The following ERBIN variants were observed in gnomAD, a reference collection of about 807,000 sequenced individuals.
ERBIN encodes the protein densin-180-like protein.
ERBIN carries 60 observed loss-of-function variants against 158.4 expected under a neutral mutation model. That is an observed-to-expected ratio of 0.38 (90% confidence interval 0.31 to 0.47). The LOEUF (loss-of-function observed/expected upper bound fraction) is 0.47. Ranked by LOEUF, ERBIN falls within the 20% of genes least tolerant of loss-of-function variation. The probability of loss-of-function intolerance (pLI) is 0.99; values close to 1 mark genes in which losing one functional copy is unlikely to be tolerated. For missense variants in ERBIN, 1,610 were observed against 1,648.0 expected, an observed-to-expected ratio of 0.98 and a Z score of 0.40; for synonymous variants, 594 against 557.2, an observed-to-expected ratio of 1.07 and a Z score of -0.93.
At chr5:65,930,210 T>C (rs1027170243) in intron 1 of ERBIN, among the ~76,000 whole-genome samples, 4 of 152,242 alleles carry the variant, frequency 2.6e-5, no homozygotes, top group Non-Finnish European at 5.9e-5. Flanking sequence ...AAAAAGTTTA[T>C]CTGATCTTAT....
intron 21 of ERBIN, among the ~76,000 whole-genome samples, chr5:66,055,776 C>T (rs1759522200): frequency 6.6e-6 from 1 of 152,102 alleles, no homozygotes; most frequent in Admixed American, 6.6e-5. Flanking sequence ...AACAGGTGAA[C>T]ATACAACTTC....
At chr5:65,949,940 G>A (rs537089287) in intron 1 of ERBIN, among the ~76,000 whole-genome samples, 41 of 152,266 alleles carry the variant, frequency 2.7e-4, no homozygotes, top group Middle Eastern at 6.8e-3. Context: ...CCAAGGTGCT[G>A]GGATTACAGG....
chr5:65,929,851 G>A (rs1019784694), intron 1 of ERBIN, among the ~76,000 whole-genome samples: 1 of 152,066 alleles, frequency 6.6e-6, no homozygotes, highest in Non-Finnish European at 1.5e-5. Flanking sequence ...TGTTGGCCAG[G>A]CTGGTCTCGA....
intron 14 of ERBIN, among the ~76,000 whole-genome samples, chr5:66,034,923 A>C (rs1013571068): frequency 2.0e-5 from 3 of 152,168 alleles, no homozygotes; most frequent in African/African-American, 2.4e-5. Context: ...AAGGGGAGTC[A>C]AAGACAGGAG....
intron 14 of ERBIN, among the ~76,000 whole-genome samples, chr5:66,036,753 A>C (rs572712001): frequency 2.0e-5 from 3 of 152,320 alleles, no homozygotes; most frequent in African/African-American, 7.2e-5. Context: ...ATATTCATTG[A>C]ATGAGTGATC....
At chr5:65,946,220 T>C (rs1745725233) in intron 1 of ERBIN, among the ~76,000 whole-genome samples, 1 of 151,596 alleles carries the variant, frequency 6.6e-6, no homozygotes, top group Non-Finnish European at 1.5e-5. Context: ...AAAAATCAGG[T>C]GGGTGTGGTG....
intron 1 of ERBIN, among the ~76,000 whole-genome samples, chr5:65,982,350 G>A (rs1750749870): frequency 6.6e-6 from 1 of 152,146 alleles, no homozygotes; most frequent in South Asian, 2.1e-4. Context: ...TCTGAATCTT[G>A]CTTAGTGTTA....
In ERBIN at chr5:66,046,556, T is replaced by G; in HGVS notation, c.1788+18T>G. 1 of 1,541,846 alleles carries G rather than the reference T, an allele frequency of 6.5e-7. No homozygotes were observed. Among genetic ancestry groups the G allele is most frequent in the Non-Finnish European group, 8.8e-7 (1 of 1,140,794 alleles). ...TTTTTGAGGTATGATTTTATGATTA[T>G]TCTGGAGCAACTATAAGAACTTTCA... On this transcript the variant is annotated intron_variant, in intron 18 of 25. Transcript: ENST00000284037.
chr5:66,025,161 C>G (rs866583521), intron 10 of ERBIN: 28 of 294,642 alleles, frequency 9.5e-5, no homozygotes, highest in African/African-American at 2.0e-4. Context: ...TATTGTCTGT[C>G]TTTTCTGTGC....
chr5:65,987,062 T>TG (rs1751311412), intron 1 of ERBIN, among the ~76,000 whole-genome samples: 1 of 152,206 alleles, frequency 6.6e-6, no homozygotes, highest in African/African-American at 2.4e-5. Context: ...CAGATGTATT[T>TG]GCTCCCTTTT....
chr5:66,036,477 C>G (rs984048488), intron 14 of ERBIN, among the ~76,000 whole-genome samples: 1 of 152,102 alleles, frequency 6.6e-6, no homozygotes, highest in African/African-American at 2.4e-5. Flanking sequence ...CCTTCTTATC[C>G]TCACCTTAGA....
intron 4 of ERBIN, among the ~76,000 whole-genome samples, chr5:65,997,927 T>C (rs1051123191): frequency 2.7e-5 from 4 of 150,210 alleles, no homozygotes; most frequent in Non-Finnish European, 5.9e-5. Flanking sequence ...GGTGTCTGTC[T>C]ACACACACAC....
At chr5:65,991,961 T>C (rs180759147) in intron 2 of ERBIN, among the ~76,000 whole-genome samples, 1 of 152,186 alleles carries the variant, frequency 6.6e-6, no homozygotes, top group Non-Finnish European at 1.5e-5. Context: ...ATAGGGTGGT[T>C]GATCCCTGAT....
At chr5:65,998,893 T>TCA (rs1752726801) in intron 4 of ERBIN, among the ~76,000 whole-genome samples, 4 of 33,186 alleles carry the variant, frequency 1.2e-4, no homozygotes, top group African/African-American at 4.9e-4. Context: ...AGACCCTGTC[T>TCA]CAAAAAAAAA....
At chr5:65,946,967 T>G (rs182757351) in intron 1 of ERBIN, among the ~76,000 whole-genome samples, 2 of 152,058 alleles carry the variant, frequency 1.3e-5, no homozygotes, top group Non-Finnish European at 2.9e-5. Context: ...ATTTTTTTTT[T>G]GTAAGTATTG....
chr5:66,018,441 AAT>A (rs1554058707), intron 7 of ERBIN, among the ~76,000 whole-genome samples: 1 of 53,166 alleles, frequency 1.9e-5, no homozygotes, highest in Non-Finnish European at 3.5e-5. Flanking sequence ...TGATATATAT[AAT>A]ATAATATATA....
intron 1 of ERBIN, among the ~76,000 whole-genome samples, chr5:65,928,103 GT>G (rs1268929729): frequency 6.6e-6 from 1 of 152,132 alleles, no homozygotes; most frequent in Non-Finnish European, 1.5e-5. Flanking sequence ...GAAAAAATAA[GT>G]TTTAAAGATC....
chr5:65,932,097 C>T (rs758073421), intron 1 of ERBIN, among the ~76,000 whole-genome samples: 3 of 151,890 alleles, frequency 2.0e-5, no homozygotes, highest in Non-Finnish European at 4.4e-5. Flanking sequence ...GGATTACAGG[C>T]GTGAGCCACC....
At chr5:65,987,963 G>T (rs368169189) in intron 1 of ERBIN, among the ~76,000 whole-genome samples, 38 of 152,248 alleles carry the variant, frequency 2.5e-4, no homozygotes, top group African/African-American at 8.9e-4. Context: ...TATTTGCTTG[G>T]AAAGTTATTT....
Sources: allele counts gnomAD v4.1 joint callset (sites outside exome capture counted in the v4.1 genomes callset), GRCh38; gene constraint gnomAD v4.1.1; transcripts MANE v1.5; gene names NCBI Gene and HGNC (gene_info 2026-07-23, HGNC 2026-07-21).